TENM2: variants seen among roughly 807,000 people sequenced by gnomAD.
TENM2 encodes teneurin-2.
Under a neutral mutation model 245.2 loss-of-function variants are expected in TENM2, and 52 were observed. That is an observed-to-expected ratio of 0.21 (90% CI 0.17 to 0.27). The LOEUF is 0.27. Among genes scored for constraint, TENM2 ranks in the 10% least tolerant of loss-of-function variants. The pLI is 1.00. For missense variants in TENM2, 3,046 were observed against 3,666.8 expected (o/e 0.83, Z 4.37); for synonymous variants, 1,363 against 1,438.9 (o/e 0.95, Z 1.19).
At chr5:167,966,930 T>C (rs1171329460) in intron 4 of TENM2, 1 of 152,188 alleles carries the variant, frequency 6.6e-6, no homozygotes, top group African/African-American at 2.4e-5. Flanking sequence ...ACAGGCAACA[T>C]GGAAATTAAT....
At chr5:168,072,667 A>G (rs1581220820) in intron 7 of TENM2, among the ~76,000 whole-genome samples, 1 of 152,150 alleles carries the variant, frequency 6.6e-6, no homozygotes, top group Non-Finnish European at 1.5e-5. Flanking sequence ...TCTCCTATGA[A>G]GTGTTTCCGG....
intron 2 of TENM2, among the ~76,000 whole-genome samples, chr5:167,398,430 T>C (rs1427865481): frequency 1.4e-4 from 20 of 145,826 alleles, no homozygotes; most frequent in Admixed American, 4.9e-4. Flanking sequence ...CTCTCTTTCT[T>C]ACTATTTTTT....
chr5:168,209,795 G>A (rs1293086664), intron 19 of TENM2, among the ~76,000 whole-genome samples: 3 of 152,008 alleles, frequency 2.0e-5, no homozygotes, highest in Non-Finnish European at 4.4e-5. Flanking sequence ...CTCTCTCCTG[G>A]GCCTTCTACT....
the TENM2 span, among the ~76,000 whole-genome samples, chr5:167,276,351 TTTG>T: frequency 0.063 from 2,237 of 35,362 alleles, 59 homozygotes; most frequent in African/African-American, 0.13. Flanking sequence ...GCCTGTTCAT[TTTG>T]TGTGTGTGTG....
At chr5:167,310,057 A>G (rs1755929251) in intron 1 of TENM2, among the ~76,000 whole-genome samples, 1 of 151,232 alleles carries the variant, frequency 6.6e-6, no homozygotes, top group Non-Finnish European at 1.5e-5. Flanking sequence ...GTGAATACTA[A>G]AGCGCGTATC....
chr5:167,382,109 G>A (rs1168241329), intron 2 of TENM2, among the ~76,000 whole-genome samples: 1 of 152,160 alleles, frequency 6.6e-6, no homozygotes, highest in Non-Finnish European at 1.5e-5. Context: ...CTATTTTAAT[G>A]TAAAAGTATT....
intron 9 of TENM2, among the ~76,000 whole-genome samples, chr5:168,117,529 C>T (rs2152332605): frequency 6.6e-6 from 1 of 152,262 alleles, no homozygotes; most frequent in South Asian, 2.1e-4. Context: ...TAAAATAGAA[C>T]AATTAAAGCA....
chr5:167,609,488 C>CAAA (rs5873049), intron 2 of TENM2, among the ~76,000 whole-genome samples: 11 of 36,684 alleles, frequency 3.0e-4, no homozygotes, highest in African/African-American at 7.9e-4. Context: ...CCTGATGATG[C>CAAA]AAAAAAAAAA....
chr5:167,020,658 G>T, the TENM2 span, among the ~76,000 whole-genome samples: 1 of 152,166 alleles, frequency 6.6e-6, no homozygotes, highest in African/African-American at 2.4e-5. Flanking sequence ...GGTTTTTATT[G>T]GTGTGAGTCA....
At chr5:167,123,075 A>G in the TENM2 span, among the ~76,000 whole-genome samples, 5 of 151,810 alleles carry the variant, frequency 3.3e-5, no homozygotes, top group East Asian at 9.7e-4. Context: ...AGGCGAGTGG[A>G]TCACCTGGGA....
At chr5:167,202,153 T>C in the TENM2 span, among the ~76,000 whole-genome samples, 14 of 152,192 alleles carry the variant, frequency 9.2e-5, no homozygotes, top group Non-Finnish European at 1.5e-5. Flanking sequence ...TGAACAATTC[T>C]CTTAAAAATT....
chr5:167,156,163 T>A, the TENM2 span, among the ~76,000 whole-genome samples: 2 of 152,178 alleles, frequency 1.3e-5, no homozygotes, highest in African/African-American at 4.8e-5. Flanking sequence ...GTGGATGTGT[T>A]TTGGACATAC....
chr5:167,791,933 A>G (rs1040803388), intron 2 of TENM2, among the ~76,000 whole-genome samples: 1 of 151,720 alleles, frequency 6.6e-6, no homozygotes, highest in Non-Finnish European at 1.5e-5. Context: ...CACTCTCCAT[A>G]CTCCATCCAC....
the TENM2 span, among the ~76,000 whole-genome samples, chr5:167,244,743 T>A: frequency 1.8e-4 from 28 of 152,116 alleles, no homozygotes. Context: ...GTGAGTGGTG[T>A]CTCTCAGTCT....
At chr5:167,682,401 A>C (rs4993462) in intron 2 of TENM2, among the ~76,000 whole-genome samples, 62,751 of 151,608 alleles carry the variant, frequency 0.41, 15,251 homozygotes, top group East Asian at 0.91. Flanking sequence ...GACCTTAGGC[A>C]ACCTGCCCGC....
chr5:167,274,904 T>C, the TENM2 span, among the ~76,000 whole-genome samples: 2 of 152,184 alleles, frequency 1.3e-5, no homozygotes, highest in Non-Finnish European at 2.9e-5. Flanking sequence ...TATCAGTATT[T>C]ATCCTTTCTC....
At chr5:167,677,588 C>T (rs903842961) in intron 2 of TENM2, among the ~76,000 whole-genome samples, 1 of 151,324 alleles carries the variant, frequency 6.6e-6, no homozygotes, top group Non-Finnish European at 1.5e-5. Flanking sequence ...TTTTATTCAC[C>T]ACCCAAAAAG....
At chr5:168,221,559 A>G (rs1174249850) in intron 23 of TENM2, among the ~76,000 whole-genome samples, 2 of 152,242 alleles carry the variant, frequency 1.3e-5, no homozygotes, top group South Asian at 2.1e-4. Flanking sequence ...ATGTAACTCA[A>G]TAAGACCAGC....
At chr5:167,543,829 A>C (rs1402025215) in intron 2 of TENM2, among the ~76,000 whole-genome samples, 1 of 152,152 alleles carries the variant, frequency 6.6e-6, no homozygotes, top group African/African-American at 2.4e-5. Context: ...TGTGTCACAC[A>C]GAGTTCCCCT....
Sources: allele counts gnomAD v4.1 joint callset (sites outside exome capture counted in the v4.1 genomes callset), GRCh38; gene constraint gnomAD v4.1.1; transcripts MANE v1.5; gene names NCBI Gene and HGNC (gene_info 2026-07-23, HGNC 2026-07-21).